PCSK5: variants seen among roughly 807,000 people sequenced by gnomAD.
The protein encoded by PCSK5 is prohormone convertase 5.
Under a neutral mutation model 233.2 loss-of-function variants are expected in PCSK5, and 129 were observed. The ratio of observed to expected loss-of-function variants is 0.55; its 90% CI spans 0.48 to 0.64. PCSK5 has a LOEUF of 0.64. Ranked by LOEUF, PCSK5 falls within the 30% of genes least tolerant of loss-of-function variation. The pLI is 0.00. For missense variants in PCSK5, 2,076 were observed against 2,430.1 expected, an observed-to-expected ratio of 0.85 and a Z score of 3.06; for synonymous variants, 825 against 879.2, an observed-to-expected ratio of 0.94 and a Z score of 1.09.
rs377689729 is a variant in PCSK5, at chr9:76,123,009, A to C, written c.1209-11100A>C. ...CCCGCCACTATGCCTGGCTATTTTT[A>C]TTATTACTATTTTTTGTAGAGATGG... On this transcript the variant is annotated intron_variant, in intron 9 of 37. Coordinates refer to ENST00000674117, the MANE Select transcript of PCSK5 (RefSeq NM_001372043.1). Among the ~76,000 whole-genome samples, 5 of 151,190 alleles carry C rather than the reference A, an allele frequency of 3.3e-5. No homozygotes were observed. The South Asian group carries it at 8.4e-4, about 25-fold the overall frequency.
intron 2 of PCSK5, among the ~76,000 whole-genome samples, chr9:75,942,483 A>G (rs1824356717): frequency 6.6e-6 from 1 of 152,204 alleles, no homozygotes; most frequent in Non-Finnish European, 1.5e-5. Context: ...GGGGGCTCAA[A>G]CATTATTTCT....
chr9:75,998,736 C>T (rs1249615446), intron 3 of PCSK5, among the ~76,000 whole-genome samples: 1 of 152,114 alleles, frequency 6.6e-6, no homozygotes, highest in Non-Finnish European at 1.5e-5. Context: ...TCATGAACAT[C>T]CACGTCTCCA....
intron 1 of PCSK5, among the ~76,000 whole-genome samples, chr9:75,895,282 A>G (rs1392299499): frequency 6.6e-6 from 1 of 152,214 alleles, no homozygotes; most frequent in Non-Finnish European, 1.5e-5. Flanking sequence ...ATCTCTAGAT[A>G]ATAGAGTGAG....
chr9:76,308,890 T>C (rs1828782665), intron 29 of PCSK5, among the ~76,000 whole-genome samples, 162 bp downstream of exon 29: 1 of 152,064 alleles, frequency 6.6e-6, no homozygotes, highest in Admixed American at 6.6e-5. Context: ...GACCCAAACA[T>C]TGACCAATAA....
chr9:76,096,124 A>G (rs747349799), intron 8 of PCSK5, 22 bp downstream of exon 8: 1 of 1,533,106 alleles, frequency 6.5e-7, no homozygotes, highest in South Asian at 1.1e-5. Context: ...GTGCATGCCC[A>G]TCATGATCTG....
chr9:76,016,604 T>G (rs1444167956), intron 3 of PCSK5, among the ~76,000 whole-genome samples: 1 of 152,220 alleles, frequency 6.6e-6, no homozygotes, highest in Non-Finnish European at 1.5e-5. Flanking sequence ...CTAGGTAATA[T>G]AGTGGAAACC....
At chr9:76,225,479 G>A (rs1175419713) in intron 20 of PCSK5, among the ~76,000 whole-genome samples, 1 of 151,958 alleles carries the variant, frequency 6.6e-6, no homozygotes, top group African/African-American at 2.4e-5. Flanking sequence ...AAAACAAATC[G>A]TTTGCACTGG....
chr9:75,987,324 C>G (rs2131395664), intron 3 of PCSK5, among the ~76,000 whole-genome samples: 1 of 152,276 alleles, frequency 6.6e-6, no homozygotes, highest in Non-Finnish European at 1.5e-5. Flanking sequence ...CCTCTGGTCT[C>G]TTGGACCCTC....
chr9:76,202,891 A>C (rs879660423), intron 20 of PCSK5, among the ~76,000 whole-genome samples: 1 of 152,344 alleles, frequency 6.6e-6, no homozygotes, highest in Non-Finnish European at 1.5e-5. Flanking sequence ...TAAATGCCTT[A>C]TATGTCGTGA....
At chr9:76,021,365 G>A (rs1415456663) in intron 3 of PCSK5, among the ~76,000 whole-genome samples, 2 of 54,278 alleles carry the variant, frequency 3.7e-5, no homozygotes, top group East Asian at 4.2e-4. Flanking sequence ...GTGTGGGTGT[G>A]GGTTGGGGGG....
chr9:76,081,714 A>G (rs939025690), intron 7 of PCSK5, among the ~76,000 whole-genome samples: 1 of 152,150 alleles, frequency 6.6e-6, no homozygotes, highest in Admixed American at 6.5e-5. Context: ...GGAACTAGAA[A>G]TAATATTAGT....
intron 10 of PCSK5, 29 bp downstream of exon 10, chr9:76,134,241 G>A (rs1417954568): frequency 1.5e-6 from 2 of 1,341,772 alleles, no homozygotes; most frequent in South Asian, 1.3e-5. Flanking sequence ...TTCTGTCACA[G>A]GCAAAATATT....
chr9:76,253,964 T>G (rs1333268557), intron 24 of PCSK5, among the ~76,000 whole-genome samples: 1 of 151,912 alleles, frequency 6.6e-6, no homozygotes, highest in African/African-American at 2.4e-5. Context: ...ACAACACAGG[T>G]TTATTTCTCT....
chr9:76,025,219 C>A (rs1160404280), intron 4 of PCSK5, among the ~76,000 whole-genome samples: 1 of 152,064 alleles, frequency 6.6e-6, no homozygotes, highest in African/African-American at 2.4e-5. Context: ...TGTTTACTTT[C>A]ACGAACATTG....
At position 76,175,276 on chromosome 9, in the gene PCSK5, C is replaced by G. The variant is rs200914896; in HGVS notation, c.1900+147C>G. The stretch of plus-strand genomic sequence containing the variant: ...GGAATGGAATGGAATGGAATGGAAT[C>G]GAATCGAATCGAATCGAATAGAATA... On this transcript the variant is annotated intron_variant, in intron 14 of 37. Coordinates refer to ENST00000674117, the MANE Select transcript of PCSK5 (RefSeq NM_001372043.1). 1,423 of 545,252 alleles carry G rather than the reference C, an allele frequency of 2.6e-3. 5 individuals are homozygous for G. Among genetic ancestry groups the G allele is most frequent in the African/African-American group, 0.013 (527 of 39,630 alleles). The allele number at this position is 545,252 out of a possible 1,614,324, so 33.8% of individuals were successfully genotyped here.
At chr9:76,323,783 G>GAACT in intron 32 of PCSK5, among the ~76,000 whole-genome samples, 1 of 152,316 alleles carries the variant, frequency 6.6e-6, no homozygotes, top group South Asian at 2.1e-4. Context: ...CAGTGGCTAT[G>GAACT]AACTGCTGGT....
chr9:76,262,410 T>C (rs904396734), intron 24 of PCSK5, among the ~76,000 whole-genome samples: 6 of 152,160 alleles, frequency 3.9e-5, no homozygotes, highest in African/African-American at 1.4e-4. Flanking sequence ...AACAGCATGG[T>C]ACTGGTACCA....
Position 76,157,129 on chromosome 9 carries a change from A to G in PCSK5, c.1397A>G (p.His466Arg). The G allele has an allele frequency of 2.5e-6, 4 of 1,613,550 alleles. No individual in the cohort carries two copies. Among genetic ancestry groups the G allele is most frequent in the Non-Finnish European group, 3.4e-6 (4 of 1,179,808 alleles). Residue 466 changes from histidine (H) to arginine (R), a missense_variant, in exon 11 of 38, where the codon CAC becomes CGC. Around this residue, in one of 6 missense-constraint regions of PCSK5, gnomAD observed 64 missense variants for 68.6 expected, o/e 0.93. Coordinates refer to ENST00000674117, the MANE Select transcript of PCSK5 (RefSeq NM_001372043.1). ...AAGTGGACCACCGTTCCCCGGCAGC[A>G]CGTGTGTGTGGAGAGCACAGACCGA... is the stretch of plus-strand genomic sequence containing the variant. ...AEKWTTVPRQ[H>R]VCVESTDRQI...
intron 37 of PCSK5, among the ~76,000 whole-genome samples, chr9:76,357,106 C>T (rs933649777): frequency 6.6e-6 from 1 of 152,172 alleles, no homozygotes; most frequent in Non-Finnish European, 1.5e-5. Context: ...AAAATGAGCT[C>T]ATCCTCATCA....
Sources: gnomAD v4.1 joint callset for allele counts (sites outside exome capture counted in the v4.1 genomes callset) on GRCh38, gnomAD v4.1.1 for gene constraint, gnomAD v4.1.1 regional missense constraint, MANE v1.5 for transcripts, NCBI Gene and HGNC (gene_info 2026-07-23, HGNC 2026-07-21) for gene names.